The following ANO6 variants were observed in gnomAD, a reference collection of about 807,000 sequenced individuals.
ANO6 encodes the protein anoctamin 6.
ANO6 carries 106 observed loss-of-function variants against 117.5 expected under a neutral mutation model. That is an observed-to-expected ratio of 0.90 (90% CI 0.77 to 1.06). The LOEUF is 1.06. Among genes scored for constraint, ANO6 ranks in the 50% least tolerant of loss-of-function variants. The pLI is 0.00. For missense variants in ANO6, 955 were observed against 1,121.1 expected (o/e 0.85, Z 2.12); for synonymous variants, 367 against 385.1 (o/e 0.95, Z 0.55).
In ANO6 at chr12:45,348,081, A is replaced by G; in HGVS notation, c.399A>G (p.Leu133=). The G allele has an allele frequency of 6.2e-7, 1 of 1,614,040 alleles. No individual in the cohort carries two copies. Residue 133 remains leucine, a synonymous_variant, in exon 5 of 20, where the codon TTA becomes TTG. Transcript: ENST00000320560. ...FVKVHAPWEV[L]CTYAEIMHIK... is the part of the protein sequence containing the mutation. ...AAGTACACGCACCATGGGAGGTGTTATGTACGTATGCTGAGATAATGCACA... is the reference window on the plus strand; with the variant it reads ...AAGTACACGCACCATGGGAGGTGTTGTGTACGTATGCTGAGATAATGCACA...
chr12:45,346,550 T>C (rs1941137367), intron 3 of ANO6, among the ~76,000 whole-genome samples: 1 of 152,180 alleles, frequency 6.6e-6, no homozygotes, highest in African/African-American at 2.4e-5. Flanking sequence ...GGTCAAGATA[T>C]GCAGGGATGA....
At chr12:45,336,298 C>G (rs1476107009) in intron 3 of ANO6, among the ~76,000 whole-genome samples, 2 of 151,788 alleles carry the variant, frequency 1.3e-5, no homozygotes, top group Non-Finnish European at 2.9e-5. Context: ...TTATTTTTGC[C>G]TAATAAGATA....
chr12:45,250,152 G>A (rs1215235229), intron 1 of ANO6, among the ~76,000 whole-genome samples: 1 of 152,166 alleles, frequency 6.6e-6, no homozygotes, highest in East Asian at 1.9e-4. Flanking sequence ...GCAAAACAAT[G>A]ACTGTATAAG....
At chr12:45,216,479 C>T (rs1220296936) in intron 1 of ANO6, 88 bp downstream of exon 1, 1 of 1,466,476 alleles carries the variant, frequency 6.8e-7, no homozygotes, top group Non-Finnish European at 9.3e-7. Context: ...CTGTGCTCTC[C>T]GCGGGGGAGG....
At chr12:45,288,542 A>C (rs1249903686) in intron 1 of ANO6, among the ~76,000 whole-genome samples, 1 of 152,124 alleles carries the variant, frequency 6.6e-6, no homozygotes, top group Non-Finnish European at 1.5e-5. Context: ...TGTCCTCAAG[A>C]TTAATCTATG....
intron 12 of ANO6, among the ~76,000 whole-genome samples, chr12:45,398,840 A>T (rs1204578706): frequency 6.6e-6 from 1 of 152,224 alleles, no homozygotes; most frequent in Non-Finnish European, 1.5e-5. Flanking sequence ...CCACATGTAG[A>T]TAGTAGATAA....
intron 2 of ANO6, among the ~76,000 whole-genome samples, chr12:45,330,202 A>G (rs1178351048): frequency 6.6e-6 from 1 of 152,292 alleles, no homozygotes; most frequent in South Asian, 2.1e-4. Flanking sequence ...TGTGTTCCAC[A>G]GTGGAAAAGG....
chr12:45,386,500 CATCCATCTGTCATACCT>C (rs1942302481), intron 10 of ANO6, among the ~76,000 whole-genome samples: 3 of 127,718 alleles, frequency 2.3e-5, no homozygotes, highest in Non-Finnish European at 4.8e-5. Flanking sequence ...GTCATACCTG[CATCCATCTGTCATACCT>C]GCATCCATCC....
At chr12:45,395,524 C>G (rs1263867602) in intron 12 of ANO6, among the ~76,000 whole-genome samples, 1 of 152,128 alleles carries the variant, frequency 6.6e-6, no homozygotes, top group African/African-American at 2.4e-5. Flanking sequence ...CAAAGCCTGG[C>G]AGAGACACAA....
At chr12:45,317,113 G>GTGTGTGTATATATATATATATATA in intron 2 of ANO6, among the ~76,000 whole-genome samples, 7,398 of 65,860 alleles carry the variant, frequency 0.11, 2,684 homozygotes, top group Non-Finnish European at 0.17. Flanking sequence ...CTTTTTATAT[G>GTGTGTGTATATATATATATATATA]TATATATATA....
chr12:45,388,011 C>T (rs998587240), intron 10 of ANO6, 150 bp from the exon 11 acceptor site: 1 of 1,062,852 alleles, frequency 9.4e-7, no homozygotes, highest in African/African-American at 1.6e-5. Flanking sequence ...AATTAAACCT[C>T]TTTCCTTTAT....
chr12:45,280,193 A>G (rs1938677907), intron 1 of ANO6, among the ~76,000 whole-genome samples: 1 of 152,234 alleles, frequency 6.6e-6, no homozygotes, highest in Admixed American at 6.5e-5. Flanking sequence ...ATGTTTGAAA[A>G]GATAATACGC....
At chr12:45,376,022 C>T (rs1465831837) in intron 9 of ANO6, among the ~76,000 whole-genome samples, 4 of 150,404 alleles carry the variant, frequency 2.7e-5, no homozygotes, top group Non-Finnish European at 6.0e-5. Context: ...AAAAACAACC[C>T]CATCAAAAAG....
intron 12 of ANO6, among the ~76,000 whole-genome samples, chr12:45,399,200 G>A (rs779321783): frequency 4.7e-5 from 7 of 150,136 alleles, no homozygotes; most frequent in Non-Finnish European, 1.0e-4. Context: ...TTTTTGTTTT[G>A]TTTTTTGTTT....
chr12:45,291,276 G>A (rs1404203228), intron 1 of ANO6, among the ~76,000 whole-genome samples: 3 of 150,754 alleles, frequency 2.0e-5, no homozygotes, highest in Non-Finnish European at 3.0e-5. Flanking sequence ...AATCCAGGAG[G>A]CGGAGGTTGC....
In ANO6 at chr12:45,432,248, G is replaced by A. The variant is rs1006623028; in HGVS notation, c.*2937G>A. The A allele has an allele frequency of 8.2e-6, 8 of 973,434 alleles. No individual in the cohort carries two copies. Among genetic ancestry groups the A allele is most frequent in the Non-Finnish European group, 9.8e-6 (8 of 819,468 alleles). The allele number at this position is 973,434 out of a possible 1,614,324, so 60.3% of individuals were successfully genotyped here. A position where few individuals can be genotyped will look rare whatever the true frequency, so the allele number is the denominator to read the frequency against. Reference sequence around the variant, plus strand: ...AAGTTTGTAATTAATGTTAATTTCTGTGCATTTTAATATTCTTTTATAATT... The same window carrying A: ...AAGTTTGTAATTAATGTTAATTTCTATGCATTTTAATATTCTTTTATAATT... On this transcript the variant is annotated 3_prime_UTR_variant, in exon 20 of 20. Transcript: ENST00000320560.
chr12:45,318,021 T>G (rs1247917531), intron 2 of ANO6, among the ~76,000 whole-genome samples: 2 of 152,236 alleles, frequency 1.3e-5, no homozygotes, highest in Admixed American at 6.5e-5. Flanking sequence ...TTTTGGATAT[T>G]AGCCCTTTGT....
intron 10 of ANO6, among the ~76,000 whole-genome samples, chr12:45,386,231 G>C (rs1055284295): frequency 6.6e-6 from 1 of 152,028 alleles, no homozygotes; most frequent in South Asian, 2.1e-4. Flanking sequence ...TCATTTAATG[G>C]TCTTATTCTC....
chr12:45,387,854 C>T (rs1171652142), intron 10 of ANO6, among the ~76,000 whole-genome samples: 1 of 152,124 alleles, frequency 6.6e-6, no homozygotes, highest in Non-Finnish European at 1.5e-5. Flanking sequence ...AGTGAGTTCT[C>T]ATGAGATCTG....
Sources: gnomAD v4.1 joint callset for allele counts (sites outside exome capture counted in the v4.1 genomes callset) on GRCh38, gnomAD v4.1.1 for gene constraint, MANE v1.5 for transcripts, NCBI Gene and HGNC (gene_info 2026-07-23, HGNC 2026-07-21) for gene names.